Variants in PHEX observed in about 807,000 individuals in gnomAD.
PHEX encodes phosphate-regulating neutral endopeptidase PHEX.
In PHEX, 16 loss-of-function variants were observed where a neutral mutation model predicts 68.0. The observed-to-expected ratio is 0.24, with a 90% CI of 0.16 to 0.36. The LOEUF is 0.36. Ranked by LOEUF, PHEX falls within the 10% of genes least tolerant of loss-of-function variation. The pLI, the probability that PHEX is intolerant of heterozygous loss-of-function variation, is 1.00. For missense variants in PHEX, 480 were observed against 575.5 expected (o/e 0.83, Z 1.70); for synonymous variants, 208 against 205.1 (o/e 1.01, Z -0.12).
chrX:22,182,419 C>G (rs774670617), intron 14 of PHEX, among the ~76,000 whole-genome samples: 4 of 111,433 alleles, frequency 3.6e-5, no homozygotes, highest in Non-Finnish European at 7.5e-5. Context: ...TTCCCCCAAG[C>G]GCAGAGGTTT....
chrX:22,088,926 A>G, intron 5 of PHEX, among the ~76,000 whole-genome samples: 1 of 112,429 alleles, frequency 8.9e-6, no homozygotes, highest in Non-Finnish European at 1.9e-5. Flanking sequence ...TTATAGTTTT[A>G]GGTTTTACAT....
intron 11 of PHEX, among the ~76,000 whole-genome samples, chrX:22,119,281 G>T (rs1335687569): frequency 1.8e-5 from 2 of 111,783 alleles, no homozygotes; most frequent in African/African-American, 6.5e-5. Context: ...TCTATCAGAG[G>T]ACTTCTTTAA....
At chrX:22,183,159 T>G (rs1933931968) in intron 14 of PHEX, among the ~76,000 whole-genome samples, 1 of 110,893 alleles carries the variant, frequency 9.0e-6, no homozygotes, top group African/African-American at 3.3e-5. Flanking sequence ...TTATGCTGCC[T>G]AGTCTTTTGC....
chrX:22,062,118 T>C (rs1446605971), intron 3 of PHEX, among the ~76,000 whole-genome samples: 6 of 111,440 alleles, frequency 5.4e-5, no homozygotes. Flanking sequence ...TCACCTCCCA[T>C]GACGTTCTTC....
chrX:22,086,316 C>T (rs1029983157), intron 5 of PHEX, among the ~76,000 whole-genome samples: 2 of 111,986 alleles, frequency 1.8e-5, no homozygotes, highest in Non-Finnish European at 3.8e-5. Context: ...CACCTCCCCT[C>T]TTTGTCTCTT....
At chrX:22,063,649 A>G (rs1409900377) in intron 3 of PHEX, among the ~76,000 whole-genome samples, 1 of 112,143 alleles carries the variant, frequency 8.9e-6, no homozygotes, top group African/African-American at 3.2e-5. Context: ...TTCCCACTGG[A>G]CCAAATTTTT....
chrX:22,123,461 A>C (rs1931576200), intron 11 of PHEX, among the ~76,000 whole-genome samples: 1 of 111,704 alleles, frequency 9.0e-6, no homozygotes, highest in African/African-American at 3.3e-5. Context: ...GCCTAGCATA[A>C]TACCTGGTAC....
Position 22,111,543 on chromosome X carries a change from T to C in PHEX, c.1156T>C (p.Trp386Arg). ...PNLSRRFQYR[W>R]LEFSRVIQGT... ...CCTTAGCAGGCGCTTTCAGTATAGA[T>C]GGCTGGAATTCTCAAGGGTAAGTTT... Residue 386 changes from tryptophan to arginine, a missense_variant, in exon 10 of 22, where the codon TGG (tryptophan) becomes CGG (arginine). Trp to Arg is a moderately radical substitution (Grantham distance 101). Transcript: ENST00000379374. 8.4e-7 allele frequency: 1 copy of C among 1,195,900 alleles called. No individual in the cohort carries two copies. The highest frequency in any genetic ancestry group is 1.1e-6 in the Non-Finnish European group (1 of 880,894).
At chrX:22,132,639 T>G (rs1370682950) in intron 11 of PHEX, among the ~76,000 whole-genome samples, 1 of 111,884 alleles carries the variant, frequency 8.9e-6, no homozygotes, top group Non-Finnish European at 1.9e-5. Context: ...CTTTCAACTG[T>G]TCACTTTCTT....
intron 20 of PHEX, among the ~76,000 whole-genome samples, chrX:22,232,451 C>T (rs1005197397): frequency 9.1e-6 from 1 of 110,162 alleles, no homozygotes; most frequent in African/African-American, 3.3e-5. Context: ...TCTGGGTGTT[C>T]CTGTATAGGG....
chrX:22,152,262 G>C (rs186781456), intron 12 of PHEX, among the ~76,000 whole-genome samples: 139 of 111,848 alleles, frequency 1.2e-3, no homozygotes, highest in African/African-American at 4.3e-3. Context: ...ACCTTGTACA[G>C]TTAGGGTAGG....
At chrX:22,116,171 A>G (rs1569398295) in intron 11 of PHEX, among the ~76,000 whole-genome samples, 1 of 111,641 alleles carries the variant, frequency 9.0e-6, no homozygotes, top group Non-Finnish European at 1.9e-5. Flanking sequence ...GTGAAGTGCT[A>G]TTTCATTATG....
intron 3 of PHEX, among the ~76,000 whole-genome samples, chrX:22,070,382 T>A (rs1448107564): frequency 8.9e-6 from 1 of 111,794 alleles, no homozygotes; most frequent in African/African-American, 3.2e-5. Flanking sequence ...CGTGAAGATT[T>A]TAGAATGCAG....
At chrX:22,138,869 TG>T (rs1932338741) in intron 12 of PHEX, among the ~76,000 whole-genome samples, 1 of 111,853 alleles carries the variant, frequency 8.9e-6, no homozygotes, top group Non-Finnish European at 1.9e-5. Context: ...CCGCGGGCTG[TG>T]GCTCCCTCCC....
intron 3 of PHEX, among the ~76,000 whole-genome samples, chrX:22,048,525 A>T (rs979082402): frequency 3.6e-5 from 4 of 111,658 alleles, no homozygotes; most frequent in African/African-American, 1.3e-4. Flanking sequence ...CAGAAACATT[A>T]CTGAAAGATA....
At chrX:22,139,735 T>C (rs1932380844) in intron 12 of PHEX, among the ~76,000 whole-genome samples, 1 of 106,552 alleles carries the variant, frequency 9.4e-6, no homozygotes, top group Non-Finnish European at 1.9e-5. Flanking sequence ...AGATGGGATC[T>C]CACTGTGTTG....
At chrX:22,072,143 G>A (rs1253519715) in intron 3 of PHEX, among the ~76,000 whole-genome samples, 1 of 112,789 alleles carries the variant, frequency 8.9e-6, no homozygotes, top group Non-Finnish European at 1.9e-5. Context: ...CAGGAGAATC[G>A]CTTGAACCTG....
chrX:22,202,151 A>T (rs757016797), intron 15 of PHEX, among the ~76,000 whole-genome samples: 2 of 112,179 alleles, frequency 1.8e-5, no homozygotes, highest in Non-Finnish European at 3.8e-5. Flanking sequence ...AATTAACTAG[A>T]CTCATCCAAC....
At chrX:22,073,355 A>G (rs1928990802) in intron 3 of PHEX, among the ~76,000 whole-genome samples, 1 of 112,602 alleles carries the variant, frequency 8.9e-6, no homozygotes, top group Admixed American at 9.4e-5. Flanking sequence ...AGCATGTACT[A>G]TTATTATTTG....
Sources: gnomAD v4.1 joint callset for allele counts (sites outside exome capture counted in the v4.1 genomes callset) on GRCh38, gnomAD v4.1.1 for gene constraint, MANE v1.5 for transcripts, NCBI Gene and HGNC (gene_info 2026-07-23, HGNC 2026-07-21) for gene names.